Variants in BPTF observed in about 807,000 individuals in gnomAD.
BPTF encodes bromodomain PHD finger transcription factor, also known as nucleosome-remodeling factor subunit BPTF.
Under a neutral mutation model 292.5 loss-of-function variants are expected in BPTF, and 18 were observed. That is an observed-to-expected ratio of 0.06 (90% CI 0.04 to 0.09). BPTF has a LOEUF of 0.09. Ranked by LOEUF, BPTF falls within the 10% of genes least tolerant of loss-of-function variation. BPTF has a pLI of 1.00. For synonymous variants in BPTF, 1,225 were observed against 1,251.9 expected (o/e 0.98, Z 0.45); for missense variants, 2,726 against 3,498.7 (o/e 0.78, Z 5.57).
chr17:67,864,895 C>G (rs2059306244), intron 2 of BPTF, among the ~76,000 whole-genome samples: 1 of 152,172 alleles, frequency 6.6e-6, no homozygotes, highest in Admixed American at 6.5e-5. Flanking sequence ...GGCTCCACCT[C>G]CTGGGTTCAC....
At chr17:67,875,417 G>T (rs535570519) in intron 4 of BPTF, 4 of 503,688 alleles carry the variant, frequency 7.9e-6, no homozygotes, top group Non-Finnish European at 1.4e-5. Flanking sequence ...AGCAATATCC[G>T]AGAATCTACT....
At chr17:67,981,797 T>A (rs1161877326) in intron 27 of BPTF, 65 of 916,342 alleles carry the variant, frequency 7.1e-5, no homozygotes, top group Non-Finnish European at 8.2e-5. Context: ...AAAAATGTGA[T>A]TTTAAGATTG....
At chr17:67,923,988 T>C (rs1177925074) in intron 14 of BPTF, among the ~76,000 whole-genome samples, 1 of 151,912 alleles carries the variant, frequency 6.6e-6, no homozygotes, top group Non-Finnish European at 1.5e-5. Context: ...ATTACAGGCA[T>C]GTGCCACCAC....
intron 26 of BPTF, among the ~76,000 whole-genome samples, chr17:67,972,983 A>G (rs2068934216): frequency 1.3e-5 from 2 of 149,528 alleles, no homozygotes; most frequent in East Asian, 3.9e-4. Context: ...TTAACTGCAT[A>G]AACTGGAGCT....
rs58462646 is a variant in BPTF, at chr17:67,923,471, C to CTTTTTTTTT, written c.5708+502_5708+510dup. 5.2e-4 allele frequency among the ~76,000 whole-genome samples: 35 copies of CTTTTTTTTT among 67,518 alleles called. 1 individual carries two copies. Among genetic ancestry groups the CTTTTTTTTT allele is most frequent in the African/African-American group, 1.9e-3 (32 of 17,030 alleles). The allele number at this position is 67,518 out of a possible 152,430, so 44.3% of individuals were successfully genotyped here. A position where few individuals can be genotyped will look rare whatever the true frequency, so the allele number is the denominator to read the frequency against. ...GTTTAGTAAGGTCCTCTCTCTCTGT[C>CTTTTTTTTT]TTTTTTTTTTTTTTTTTTTTTTTTT... On this transcript the variant is annotated intron_variant, in intron 14 of 27. Coordinates refer to ENST00000306378, the MANE Select transcript of BPTF (RefSeq NM_182641.4).
intron 1 of BPTF, among the ~76,000 whole-genome samples, chr17:67,839,814 G>A (rs113996107): frequency 0.016 from 2,472 of 152,252 alleles, 61 homozygotes; most frequent in African/African-American, 0.052. Flanking sequence ...ATACCTAGGA[G>A]TATGATTTCT....
chr17:67,923,471 CTTTTTTTT>C (rs58462646), intron 14 of BPTF, among the ~76,000 whole-genome samples: 1,086 of 67,490 alleles, frequency 0.016, 14 homozygotes, highest in African/African-American at 0.06. Flanking sequence ...CTCTCTCTGT[CTTTTTTTT>C]TTTTTTTTTT....
intron 1 of BPTF, among the ~76,000 whole-genome samples, chr17:67,837,490 C>T (rs1358307402): frequency 6.6e-6 from 1 of 152,054 alleles, no homozygotes; most frequent in Non-Finnish European, 1.5e-5. Context: ...TCACTGCAAC[C>T]TCCACCTCCT....
intron 1 of BPTF, among the ~76,000 whole-genome samples, chr17:67,843,274 A>G (rs1479988554): frequency 6.7e-6 from 1 of 150,180 alleles, no homozygotes; most frequent in Non-Finnish European, 1.5e-5. Context: ...ATGGATACAT[A>G]TAGATATGTA....
At chr17:67,828,728 G>C (rs576469305) in intron 1 of BPTF, among the ~76,000 whole-genome samples, 10 of 152,134 alleles carry the variant, frequency 6.6e-5, no homozygotes, top group Middle Eastern at 3.4e-3. Flanking sequence ...GGGTTTCTCC[G>C]TGTTGGTCAG....
intron 23 of BPTF, among the ~76,000 whole-genome samples, chr17:67,959,328 C>G (rs971469507): frequency 2.0e-5 from 3 of 152,200 alleles, no homozygotes; most frequent in Non-Finnish European, 4.4e-5. Flanking sequence ...TAGCAGCTTT[C>G]TAGTTGTTCT....
Position 67,909,584 on chromosome 17 carries a change from A to C in BPTF, c.2815A>C (p.Lys939Gln), listed in dbSNP as rs769548585. 14 of 1,537,514 alleles carry C rather than the reference A, an allele frequency of 9.1e-6. No homozygotes were observed. In the African/African-American group the frequency reaches 1.5e-4, roughly 17 times the overall value. The change falls in exon 10 of 28, where the codon AAA (lysine) becomes CAA (glutamine). Residue 939 changes from lysine to glutamine, a missense_variant and splice_region_variant. By Grantham distance (53) the Lys-to-Gln change is moderately conservative. Around this residue, in one of 22 missense-constraint regions of BPTF, gnomAD observed 713 missense variants for 714.9 expected, o/e 1.00. Coordinates refer to ENST00000306378, the MANE Select transcript of BPTF (RefSeq NM_182641.4). ...TATCGTTACATGGTTCTTTTTAGCC[A>C]AAAATAATATGGATGAAAATATGGA... ...VNYRKSLEGT[K>Q]NNMDENMDES...
At chr17:67,895,724 A>C (rs1419430410) in intron 7 of BPTF, among the ~76,000 whole-genome samples, 1 of 151,934 alleles carries the variant, frequency 6.6e-6, no homozygotes, top group Non-Finnish European at 1.5e-5. Flanking sequence ...AGCCTACCGG[A>C]GTGCTGGGAT....
chr17:67,868,019 A>T (rs2059488008), intron 3 of BPTF, among the ~76,000 whole-genome samples: 1 of 151,958 alleles, frequency 6.6e-6, no homozygotes, highest in Non-Finnish European at 1.5e-5. Flanking sequence ...TGCACAGGAG[A>T]TGTGTTTATT....
At chr17:67,919,984 T>G in intron 12 of BPTF, 31 bp from the exon 13 acceptor site, 1 of 1,584,884 alleles carries the variant, frequency 6.3e-7, no homozygotes, top group Non-Finnish European at 8.6e-7. Context: ...TTTCAGTTGG[T>G]TATTAATACT....
chr17:67,854,497 G>A lies in BPTF; in HGVS notation c.1171G>A (p.Asp391Asn). The A allele has an allele frequency of 1.2e-6, 2 of 1,614,198 alleles. No homozygotes were observed. Among genetic ancestry groups the A allele is most frequent in the Non-Finnish European group, 1.7e-6 (2 of 1,180,036 alleles). Residue 391 changes from aspartate to asparagine, a missense_variant, in exon 2 of 28, where the codon GAC becomes AAC. Around this residue, in one of 22 missense-constraint regions of BPTF, gnomAD observed 102 missense variants for 212.6 expected, o/e 0.48. Coordinates refer to ENST00000306378, the MANE Select transcript of BPTF (RefSeq NM_182641.4). This position sits in a 1 kb window ranked among gnomAD's most constrained non-coding sequence, Gnocchi z 5.6. Reference protein sequence around the residue: ...LMSEGVIQYDDHCRVCHKLGD... With the variant: ...LMSEGVIQYDNHCRVCHKLGD... ...GTCTGAAGGGGTGATACAGTATGAT[G>A]ACCATTGTAGGGTTTGTCACAAACT... is the stretch of plus-strand genomic sequence containing the variant.
chr17:67,970,173 C>T (rs1203039544), intron 26 of BPTF, among the ~76,000 whole-genome samples: 7 of 150,892 alleles, frequency 4.6e-5, no homozygotes, highest in African/African-American at 1.7e-4. Flanking sequence ...GTGGAGGTTG[C>T]GGTGAGCTGA....
intron 2 of BPTF, among the ~76,000 whole-genome samples, chr17:67,857,121 TTTATCC>T (rs1179383507): frequency 6.6e-6 from 1 of 151,960 alleles, no homozygotes; most frequent in African/African-American, 2.4e-5. Context: ...TCTCCCCTAC[TTTATCC>T]TTATGAGTTC....
At chr17:67,855,385 A>G (rs1188440548) in intron 2 of BPTF, among the ~76,000 whole-genome samples, 1 of 152,192 alleles carries the variant, frequency 6.6e-6, no homozygotes, top group Non-Finnish European at 1.5e-5. Context: ...AGCCTAGCTC[A>G]GCTCATCCAC....
Sources: gnomAD v4.1 joint callset for allele counts (sites outside exome capture counted in the v4.1 genomes callset) on GRCh38, gnomAD v4.1.1 for gene constraint, gnomAD v4.1.1 regional missense constraint, Gnocchi (gnomAD v3.1) non-coding constraint, MANE v1.5 for transcripts, NCBI Gene and HGNC (gene_info 2026-07-23, HGNC 2026-07-21) for gene names.